PPP2R5E: variants seen among roughly 807,000 people sequenced by gnomAD.
PPP2R5E encodes the protein serine/threonine-protein phosphatase 2A 56 kDa regulatory subunit epsilon isoform.
PPP2R5E carries 4 observed loss-of-function variants against 65.3 expected under a neutral mutation model. The observed-to-expected ratio is 0.06, with a 90% CI of 0.03 to 0.14. The LOEUF is 0.14. PPP2R5E is among the 10% of genes least tolerant of loss of function. PPP2R5E has a pLI of 1.00. For missense variants in PPP2R5E, 274 were observed against 556.1 expected (o/e 0.49, Z 5.10); for synonymous variants, 183 against 187.4 (o/e 0.98, Z 0.19).
rs1555353678 is a variant in PPP2R5E, at chr14:63,374,634, G to GATTATAT, written c.*1374_*1375insATATAAT. 95 of 109,572 alleles carry GATTATAT rather than the reference G, an allele frequency of 8.7e-4. 3 individuals are homozygous for GATTATAT. Among genetic ancestry groups the GATTATAT allele is most frequent in the African/African-American group, 4.5e-3 (92 of 20,672 alleles). The allele number at this position is 109,572 out of a possible 1,614,324, so 6.8% of individuals were successfully genotyped here. ...TAAATACAAAGCAGAGAGCCAATAA[G>GATTATAT]ATATATATATATATATATATATATA... On this transcript the variant is annotated 3_prime_UTR_variant, in exon 14 of 14. Transcript: ENST00000337537.
chr14:63,484,468 A>G (rs1890884932), intron 2 of PPP2R5E, among the ~76,000 whole-genome samples: 1 of 152,186 alleles, frequency 6.6e-6, no homozygotes, highest in Middle Eastern at 3.4e-3. Flanking sequence ...TCACATGAAC[A>G]CTATTATTAG....
chr14:63,372,090 A>G lies in PPP2R5E; in HGVS notation c.*3919T>C, dbSNP rs1009805486. Reference sequence around the variant, plus strand: ...GAGGAAAAGAGAAGCTGAGAGAGAAAAAAAAAAGAGAAAGGTGGGGGAAGG... The same window carrying G: ...GAGGAAAAGAGAAGCTGAGAGAGAAGAAAAAAAGAGAAAGGTGGGGGAAGG... On this transcript the variant is annotated 3_prime_UTR_variant, in exon 14 of 14. Transcript: ENST00000337537. The G allele has an allele frequency of 6.6e-6, 1 of 151,950 alleles. No individual in the cohort carries two copies. Among genetic ancestry groups the G allele is most frequent in the East Asian group, 1.9e-4 (1 of 5,194 alleles). The allele number at this position is 151,950 out of a possible 1,614,324, so 9.4% of individuals were successfully genotyped here.
intron 4 of PPP2R5E, among the ~76,000 whole-genome samples, chr14:63,418,396 T>A (rs1176683898): frequency 6.6e-6 from 1 of 152,236 alleles, no homozygotes; most frequent in Non-Finnish European, 1.5e-5. Context: ...AAATGTTTGG[T>A]GGAAACACTT....
chr14:63,526,745 C>G (rs1267511351), intron 2 of PPP2R5E, among the ~76,000 whole-genome samples: 14 of 152,156 alleles, frequency 9.2e-5, no homozygotes, highest in African/African-American at 3.4e-4. Context: ...TTTGTAGAGA[C>G]AGAGTTTTGC....
At chr14:63,421,690 ATTCTGTGC>A (rs1385958684) in intron 4 of PPP2R5E, among the ~76,000 whole-genome samples, 1 of 152,200 alleles carries the variant, frequency 6.6e-6, no homozygotes, top group African/African-American at 2.4e-5. Flanking sequence ...TGTGAAAATA[ATTCTGTGC>A]TTTGTTGGAG....
At chr14:63,521,938 GCCCTCCCCCTCC>G (rs759268189) in intron 2 of PPP2R5E, among the ~76,000 whole-genome samples, 4 of 131,114 alleles carry the variant, frequency 3.1e-5, no homozygotes, top group South Asian at 4.9e-4. Flanking sequence ...GTTACACGCT[GCCCTCCCCCTCC>G]CCCTCCCCCT....
chr14:63,511,718 A>G (rs1046831926), intron 2 of PPP2R5E, among the ~76,000 whole-genome samples: 1 of 152,210 alleles, frequency 6.6e-6, no homozygotes, highest in Non-Finnish European at 1.5e-5. Flanking sequence ...CAAGTCATAA[A>G]TCACCGTGTA....
intron 3 of PPP2R5E, among the ~76,000 whole-genome samples, chr14:63,431,345 A>G (rs1887660733): frequency 6.6e-6 from 1 of 152,108 alleles, no homozygotes; most frequent in South Asian, 2.1e-4. Context: ...ACAATTTCCT[A>G]GAATAAGCCA....
intron 11 of PPP2R5E, 111 bp downstream of exon 11, chr14:63,389,501 G>T: frequency 8.1e-7 from 1 of 1,233,186 alleles, no homozygotes; most frequent in Non-Finnish European, 1.1e-6. Flanking sequence ...TCATGTGAGG[G>T]GATAGCAAAT....
chr14:63,450,822 T>C (rs1888783677), intron 3 of PPP2R5E, among the ~76,000 whole-genome samples: 1 of 150,398 alleles, frequency 6.6e-6, no homozygotes, highest in Admixed American at 6.6e-5. Context: ...AATGGTGAGT[T>C]GCCAAGAAGC....
intron 3 of PPP2R5E, among the ~76,000 whole-genome samples, chr14:63,434,786 TTTG>T (rs1386912051): frequency 9.8e-5 from 15 of 152,366 alleles, no homozygotes; most frequent in African/African-American, 3.6e-4. Flanking sequence ...CTTTGGAGTT[TTTG>T]TTAACTCTTC....
chr14:63,450,295 A>G (rs1331910485), intron 3 of PPP2R5E, among the ~76,000 whole-genome samples: 2 of 152,234 alleles, frequency 1.3e-5, no homozygotes, highest in African/African-American at 4.8e-5. Context: ...AAAATAAGTT[A>G]TACTTCTAAG....
chr14:63,417,756 A>C (rs904762437), intron 4 of PPP2R5E, among the ~76,000 whole-genome samples: 1 of 152,198 alleles, frequency 6.6e-6, no homozygotes, highest in African/African-American at 2.4e-5. Flanking sequence ...AAGAATACTC[A>C]ACCAGTTTGA....
intron 5 of PPP2R5E, among the ~76,000 whole-genome samples, chr14:63,408,921 C>T (rs891564374): frequency 6.6e-6 from 1 of 152,178 alleles, no homozygotes; most frequent in African/African-American, 2.4e-5. Context: ...ATGGTGAAAC[C>T]ACGTCTCTAC....
At chr14:63,519,439 C>T (rs139529548) in intron 2 of PPP2R5E, among the ~76,000 whole-genome samples, 4,603 of 151,578 alleles carry the variant, frequency 0.03, 97 homozygotes, top group East Asian at 0.043. Flanking sequence ...CAACCTCTGC[C>T]TCCCGGGTTC....
At chr14:63,421,889 C>T in intron 4 of PPP2R5E, 104 bp downstream of exon 4, 1 of 840,884 alleles carries the variant, frequency 1.2e-6, no homozygotes, top group South Asian at 1.6e-5. Context: ...TTAGTGTACT[C>T]TAATTTGATT....
chr14:63,392,640 T>C (rs1202514957), intron 8 of PPP2R5E, among the ~76,000 whole-genome samples: 2 of 152,186 alleles, frequency 1.3e-5, no homozygotes, highest in Non-Finnish European at 2.9e-5. Flanking sequence ...AAAGGCAAGA[T>C]TTGTAAAAGG....
intron 3 of PPP2R5E, among the ~76,000 whole-genome samples, chr14:63,430,372 T>C (rs1324993938): frequency 4.3e-4 from 50 of 115,276 alleles, no homozygotes; most frequent in Middle Eastern, 4.0e-3. Context: ...CATACATACA[T>C]GCATGCATAC....
intron 2 of PPP2R5E, among the ~76,000 whole-genome samples, chr14:63,521,893 G>A (rs890920408): frequency 6.6e-6 from 1 of 151,848 alleles, no homozygotes; most frequent in Admixed American, 6.6e-5. Context: ...ATTTGATGAG[G>A]TTGTGCAACC....
Sources: allele counts gnomAD v4.1 joint callset (sites outside exome capture counted in the v4.1 genomes callset), GRCh38; gene constraint gnomAD v4.1.1; transcripts MANE v1.5; gene names NCBI Gene and HGNC (gene_info 2026-07-23, HGNC 2026-07-21).